Variants in UPF3B observed in about 807,000 individuals in gnomAD.
The protein encoded by UPF3B is regulator of nonsense transcripts 3B.
UPF3B carries 7 observed loss-of-function variants against 40.3 expected under a neutral mutation model. The ratio of observed to expected loss-of-function variants is 0.17; its 90% confidence interval spans 0.10 to 0.33. The LOEUF (loss-of-function observed/expected upper bound fraction) is 0.33. UPF3B is among the 10% of genes least tolerant of loss of function. The pLI is 1.00. For synonymous variants in UPF3B, 117 were observed against 117.3 expected, an observed-to-expected ratio of 1.00 and a Z score of 0.01; for missense variants, 229 against 358.9, an observed-to-expected ratio of 0.64 and a Z score of 2.93.
intron 4 of UPF3B, among the ~76,000 whole-genome samples, chrX:119,817,545 C>G (rs764076546): frequency 8.9e-6 from 1 of 111,851 alleles, no homozygotes; most frequent in Non-Finnish European, 1.9e-5. Flanking sequence ...GATTTGGGTG[C>G]GGGAACAGAG....
At chrX:119,822,992 G>GTCGACC in exon 4 of UPF3B, 1 of 894,478 alleles carries the variant, frequency 1.1e-6, no homozygotes, top group South Asian at 3.1e-5. Flanking sequence ...GGGTGCCAGA[G>GTCGACC]TCGACCTCGG....
At position 119,846,765 on chromosome X, in the gene UPF3B, A is replaced by G. The variant is rs182485745; in HGVS notation, c.371-1469T>C. 3.4e-3 allele frequency among the ~76,000 whole-genome samples: 378 copies of G among 111,462 alleles called. 1 individual carries two copies. Among genetic ancestry groups the G allele is most frequent in the African/African-American group, 0.012 (361 of 30,837 alleles). ...TATCTCTTATTTAAAAAAAGTAAAA[A>G]ATAGATAAATTGGACTACGTCAAAA... On this transcript the variant is annotated intron_variant, in intron 3 of 10. Transcript: ENST00000276201.
At chrX:119,807,287 C>A (rs1244999369) in intron 6 of UPF3B, among the ~76,000 whole-genome samples, 1 of 111,717 alleles carries the variant, frequency 9.0e-6, no homozygotes, top group Non-Finnish European at 1.9e-5. Flanking sequence ...CCTGCTTTGA[C>A]ACAAGACTTA....
chrX:119,808,259 G>A (rs755873184), intron 5 of UPF3B, among the ~76,000 whole-genome samples: 6 of 111,321 alleles, frequency 5.4e-5, no homozygotes, highest in African/African-American at 2.0e-4. Flanking sequence ...AGAAAGGAGA[G>A]GAAGGGAGCA....
chrX:119,807,041 AAAAAAAAAAAGAAAAAAAAAAAAG>A (rs1332934795), intron 6 of UPF3B, among the ~76,000 whole-genome samples: 5 of 99,005 alleles, frequency 5.1e-5, no homozygotes, highest in Non-Finnish European at 7.8e-5. Flanking sequence ...AAAAAAAAAA[AAAAAAAAAAAGAAAAAAAAAAAAG>A]AAAATTCAAC....
In UPF3B at chrX:119,840,150, G is replaced by A. The variant is rs184841074; in HGVS notation, c.846+496C>T. On this transcript the variant is annotated intron_variant, in intron 8 of 10. Coordinates refer to ENST00000276201, the MANE Select transcript of UPF3B (RefSeq NM_080632.3). ...TTCCCCAGGAAATATGTTGAAACAAGGGCTGCCCAAGCCATGCCCTTAGAA... is the reference window on the plus strand; with the variant it reads ...TTCCCCAGGAAATATGTTGAAACAAAGGCTGCCCAAGCCATGCCCTTAGAA... 1.6e-3 allele frequency among the ~76,000 whole-genome samples: 177 copies of A among 111,940 alleles called. 1 individual carries two copies. Among genetic ancestry groups the A allele is most frequent in the Admixed American group, 6.2e-3 (65 of 10,535 alleles).
intron 8 of UPF3B, among the ~76,000 whole-genome samples, chrX:119,838,896 C>A (rs1222496428): frequency 9.0e-6 from 1 of 111,213 alleles, no homozygotes; most frequent in Non-Finnish European, 1.9e-5. Flanking sequence ...CTGCCTCAGC[C>A]TCTTGAGTAG....
chrX:119,807,526 C>G (rs1414522461), exon 6 of UPF3B: 1 of 864,211 alleles, frequency 1.2e-6, no homozygotes. Flanking sequence ...ATCTTGCCAC[C>G]AGAATCGACC....
rs2056070951 is a variant in UPF3B at position 119,834,524 on chromosome X, GAAC to G, written c.*351_*353del. On this transcript the variant is annotated 3_prime_UTR_variant, in exon 11 of 11. Transcript: ENST00000276201. Reference sequence around the variant, plus strand: ...AAATTCAGAAAATTCAATTCAGGATGAACAACAGCTTTTGATTTTAGAACCAGC... The same window carrying G: ...AAATTCAGAAAATTCAATTCAGGATGAACAGCTTTTGATTTTAGAACCAGC... 1 of 892,515 alleles carries G rather than the reference GAAC, an allele frequency of 1.1e-6. No homozygotes were observed. Among genetic ancestry groups the G allele is most frequent in the Non-Finnish European group, 1.4e-6 (1 of 726,585 alleles). 73.6% of individuals were successfully genotyped at this position (892,515 alleles called of 1,213,427 possible).
chrX:119,824,827 C>T (rs1337116194), intron 3 of UPF3B, among the ~76,000 whole-genome samples: 1 of 94,845 alleles, frequency 1.1e-5, no homozygotes, highest in Non-Finnish European at 2.0e-5. Context: ...AGTGCAATAG[C>T]ATGATCTCTG....
chrX:119,826,869 C>T (rs780084493), intron 3 of UPF3B, among the ~76,000 whole-genome samples: 4 of 111,958 alleles, frequency 3.6e-5, no homozygotes, highest in African/African-American at 1.3e-4. Flanking sequence ...CCAGTCAAAG[C>T]GAAATGGACT....
At position 119,838,385 on chromosome X, in the gene UPF3B, T is replaced by C. The variant is rs758853662; in HGVS notation, c.989A>G (p.Lys330Arg). The change falls in exon 9 of 11, where the codon AAA becomes AGA. Residue 330 changes from lysine to arginine, a missense_variant. By Grantham distance (26) the Lys-to-Arg change is conservative. Transcript: ENST00000276201. ...TLPKRSDSEL[K>R]DEKPKRPEDE... ...TACTGACCTCTTTGGTTTTTCATCT[T>C]TAAGTTCGCTATCAGAACGCTTGGG... 17 of 1,210,393 alleles carry C rather than the reference T, an allele frequency of 1.4e-5. No homozygotes were observed. Among genetic ancestry groups the C allele is most frequent in the African/African-American group, 3.5e-5 (2 of 57,366 alleles).
intron 1 of UPF3B, 141 bp from the exon 2 acceptor site, chrX:119,852,014 C>A: frequency 2.1e-6 from 1 of 478,237 alleles, no homozygotes; most frequent in South Asian, 3.2e-5. Flanking sequence ...TCTTCTGCAG[C>A]CCAATGCTCA....
At chrX:119,830,761 T>C (rs974591089), downstream of UPF3B, among the ~76,000 whole-genome samples, 3 of 103,033 alleles carry the variant, frequency 2.9e-5, no homozygotes, top group Non-Finnish European at 5.9e-5. Context: ...AAAAAAGAAA[T>C]AAAAAATAAA....
chrX:119,844,748 C>A (rs2056206805), intron 4 of UPF3B, among the ~76,000 whole-genome samples: 1 of 111,159 alleles, frequency 9.0e-6, no homozygotes. Context: ...GGATTACAGG[C>A]ATGCACCACC....
At chrX:119,823,929 A>T (rs1188732617) in intron 3 of UPF3B, among the ~76,000 whole-genome samples, 1 of 111,330 alleles carries the variant, frequency 9.0e-6, no homozygotes, top group African/African-American at 3.3e-5. Flanking sequence ...AAGTGCTAGG[A>T]TTACAAGCAT....
intron 1 of UPF3B, 43 bp from the exon 2 acceptor site, chrX:119,851,916 T>G: frequency 3.3e-6 from 3 of 905,514 alleles, no homozygotes; most frequent in Non-Finnish European, 4.8e-6. Flanking sequence ...ACAAATCAGT[T>G]TTCTGTCATA....
At chrX:119,813,129 C>T (rs1209095526) in intron 5 of UPF3B, among the ~76,000 whole-genome samples, 3 of 111,832 alleles carry the variant, frequency 2.7e-5, no homozygotes, top group African/African-American at 9.7e-5. Context: ...ACTGATGCCA[C>T]GTCAGGAAGG....
At chrX:119,821,590 G>T (rs1468480760) in intron 4 of UPF3B, among the ~76,000 whole-genome samples, 1 of 112,060 alleles carries the variant, frequency 8.9e-6, no homozygotes, top group East Asian at 2.8e-4. Flanking sequence ...GAGGTCAGGA[G>T]TTCAAGACCA....
Sources: gnomAD v4.1 joint callset for allele counts (sites outside exome capture counted in the v4.1 genomes callset) on GRCh38, gnomAD v4.1.1 for gene constraint, MANE v1.5 for transcripts, NCBI Gene and HGNC (gene_info 2026-07-23, HGNC 2026-07-21) for gene names.